The following PHC2 variants were observed in gnomAD, a reference collection of about 807,000 sequenced individuals.
The protein encoded by PHC2 is polyhomeotic homolog 2, also known as polyhomeotic-like protein 2.
Under a neutral mutation model 87.4 loss-of-function variants are expected in PHC2, and 29 were observed. That is an observed-to-expected ratio of 0.33 (90% confidence interval 0.25 to 0.45). The LOEUF (loss-of-function observed/expected upper bound fraction) is 0.45, where lower values mean the gene tolerates loss of function less well. PHC2 is among the 20% of genes least tolerant of loss of function. The pLI is 1.00. For synonymous variants in PHC2, 438 were observed against 461.7 expected (o/e 0.95, Z 0.66); for missense variants, 857 against 1,136.7 (o/e 0.75, Z 3.54).
In PHC2 at chr1:33,331,437, G is replaced by A; in HGVS notation, c.1917C>T (p.Leu639=). ...GGCCACAGAGCTCACACTTGAGTTT[G>A]AGGGGAGCACCCTCCTCTTTGGATT... ...LQESKEEGAP[L]KLKCELCGRV... The change falls in exon 12 of 15, where the codon CTC becomes CTT. Residue 639 remains leucine, a synonymous_variant. Coordinates refer to ENST00000683057, the MANE Select transcript of PHC2 (RefSeq NM_001385109.1). The surrounding 1 kb of genome is among the most constrained non-coding windows in gnomAD (Gnocchi z 5.2). The A allele has an allele frequency of 6.2e-7, 1 of 1,609,156 alleles. No individual in the cohort carries two copies. The highest frequency in any genetic ancestry group is 8.5e-7 in the Non-Finnish European group (1 of 1,175,894).
chr1:33,345,105 C>T (rs929266273), intron 9 of PHC2: 1 of 152,104 alleles, frequency 6.6e-6, no homozygotes, highest in Non-Finnish European at 1.5e-5. Flanking sequence ...AAAAATAACT[C>T]AAGCAGTCAC....
Position 33,332,516 on chromosome 1 carries a change from C to T in PHC2, c.1762-112G>A. 1 of 1,257,024 alleles carries T rather than the reference C, an allele frequency of 8.0e-7. No individual in the cohort carries two copies. The highest frequency in any genetic ancestry group is 1.1e-6 in the Non-Finnish European group (1 of 880,236). The allele number at this position is 1,257,024 out of a possible 1,614,324, so 77.9% of individuals were successfully genotyped here. On this transcript the variant is annotated intron_variant, in intron 10 of 14. Coordinates refer to ENST00000683057, the MANE Select transcript of PHC2 (RefSeq NM_001385109.1). The surrounding 1 kb of genome is among the most constrained non-coding windows in gnomAD (Gnocchi z 4.2). ...GTATCCAGGCACAGAGGCCAGCCCT[C>T]CTCAAACCTTCCCCCATGTCATCAT...
chr1:33,424,188 T>C (rs1650576400), intron 1 of PHC2, among the ~76,000 whole-genome samples: 1 of 152,212 alleles, frequency 6.6e-6, no homozygotes. Flanking sequence ...AGAGATTGAT[T>C]CATTAATACT....
At chr1:33,405,265 G>A (rs1217091643) in intron 1 of PHC2, among the ~76,000 whole-genome samples, 1 of 150,800 alleles carries the variant, frequency 6.6e-6, no homozygotes, top group Non-Finnish European at 1.5e-5. Flanking sequence ...ATCTTGGCTC[G>A]CTGCAACCTC....
At chr1:33,354,295 T>A in intron 9 of PHC2, 106 bp downstream of exon 9, 1 of 1,066,612 alleles carries the variant, frequency 9.4e-7, no homozygotes, top group Non-Finnish European at 1.4e-6. Flanking sequence ...CTTCCTTGCT[T>A]GTAATAGTTT....
rs2148200899 is a variant in PHC2, at chr1:33,332,361, T to A, written c.1805A>T (p.Tyr602Phe). The change falls in exon 11 of 15, where the codon TAT (tyrosine) becomes TTT (phenylalanine). Residue 602 changes from tyrosine (Y) to phenylalanine (F), a missense_variant. By Grantham distance (22) the Tyr-to-Phe change is conservative. This residue lies in a region of PHC2 where 832 missense variants were observed against 1,081.8 expected (regional missense o/e 0.77). Coordinates refer to ENST00000683057, the MANE Select transcript of PHC2 (RefSeq NM_001385109.1). This position sits in a 1 kb window ranked among gnomAD's most constrained non-coding sequence, Gnocchi z 4.2. ...TTTCTCAGGCAGGAACCCCTGTGCATACTTCTTCTTGAGATTCCCCACCAG... is the reference window on the plus strand; with the variant it reads ...TTTCTCAGGCAGGAACCCCTGTGCAAACTTCTTCTTGAGATTCCCCACCAG... ...SLLVGNLKKKYAQGFLPEKLP... is the reference protein window; with the variant it reads ...SLLVGNLKKKFAQGFLPEKLP... 6.2e-7 allele frequency: 1 copy of A among 1,614,152 alleles called. No homozygotes were observed. Among genetic ancestry groups the A allele is most frequent in the East Asian group, 2.2e-5 (1 of 44,874 alleles).
intron 1 of PHC2, among the ~76,000 whole-genome samples, chr1:33,411,450 T>C (rs577943271): frequency 6.6e-6 from 1 of 151,242 alleles, no homozygotes; most frequent in South Asian, 2.1e-4. Context: ...ATCTCTGTTT[T>C]TTGTTGTTGT....
At chr1:33,386,115 G>A (rs1451340284) in intron 1 of PHC2, among the ~76,000 whole-genome samples, 1 of 151,486 alleles carries the variant, frequency 6.6e-6, no homozygotes, top group African/African-American at 2.4e-5. Flanking sequence ...ATTTTTTTAT[G>A]TTATAATCTC....
intron 1 of PHC2, among the ~76,000 whole-genome samples, chr1:33,386,855 T>C (rs10798944): frequency 0.5 from 75,264 of 151,996 alleles, 19,596 homozygotes; most frequent in South Asian, 0.62. Context: ...ATACACAAAG[T>C]GCACACACAG....
chr1:33,389,237 C>G (rs1036711739), intron 1 of PHC2, among the ~76,000 whole-genome samples: 5 of 152,108 alleles, frequency 3.3e-5, no homozygotes, highest in African/African-American at 9.6e-5. Context: ...TAGATTCAAT[C>G]CCCCACGCAA....
intron 1 of PHC2, among the ~76,000 whole-genome samples, chr1:33,426,800 C>G (rs1014076145): frequency 9.9e-5 from 15 of 152,142 alleles, no homozygotes; most frequent in African/African-American, 3.6e-4. Flanking sequence ...TGCTTTCCTA[C>G]CTTCAGGAGG....
At chr1:33,416,956 T>A (rs1370348336) in intron 1 of PHC2, among the ~76,000 whole-genome samples, 1 of 152,022 alleles carries the variant, frequency 6.6e-6, no homozygotes, top group African/African-American at 2.4e-5. Context: ...ATAAAACATG[T>A]TAAATAAAAT....
At chr1:33,418,915 G>A (rs1456291376) in intron 1 of PHC2, among the ~76,000 whole-genome samples, 1 of 152,204 alleles carries the variant, frequency 6.6e-6, no homozygotes, top group Non-Finnish European at 1.5e-5. Context: ...GTCCTTTGTG[G>A]AATGCTTGCC....
intron 1 of PHC2, among the ~76,000 whole-genome samples, chr1:33,395,919 C>G (rs1649274383): frequency 6.6e-6 from 1 of 152,194 alleles, no homozygotes; most frequent in Non-Finnish European, 1.5e-5. Flanking sequence ...TGAAACAAGA[C>G]TTCCTAGTAT....
Position 33,331,253 on chromosome 1 carries a change from C to T in PHC2, c.2006+95G>A, listed in dbSNP as rs1256825549. 2 of 612,912 alleles carry T rather than the reference C, an allele frequency of 3.3e-6. No homozygotes were observed. Among genetic ancestry groups the T allele is most frequent in the South Asian group, 2.6e-5 (1 of 37,888 alleles). 38.0% of individuals were successfully genotyped at this position (612,912 alleles called of 1,614,324 possible). A position where few individuals can be genotyped will look rare whatever the true frequency, so the allele number is the denominator to read the frequency against. On this transcript the variant is annotated intron_variant, in intron 12 of 14. Transcript: ENST00000683057. This position sits in a 1 kb window ranked among gnomAD's most constrained non-coding sequence, Gnocchi z 5.2. ...TCGAGGAACTAGGAAACTGGAGAAG[C>T]CACCCCTATGGACCTCCTGGGGTAG...
rs780223017 is a variant in PHC2, at chr1:33,371,089, G to A, written c.339C>T (p.Ser113=). The A allele has an allele frequency of 6.8e-6, 11 of 1,613,830 alleles. No homozygotes were observed. The Admixed American group carries it at 1.8e-4, about 27-fold the overall frequency. The change falls in exon 4 of 15, where the codon AGC becomes AGT. Residue 113 remains serine, a synonymous_variant. Coordinates refer to ENST00000683057, the MANE Select transcript of PHC2 (RefSeq NM_001385109.1). The stretch of plus-strand genomic sequence containing the variant: ...TGCTTCCTTGTCTATTGGATACCAG[G>A]CTTGCCTAGGAAAGAACAAACTCCT... The part of the protein sequence containing the change: ...LQSLAAVQQA[S]LVSNRQGSTS...
At position 33,367,248 on chromosome 1, in the gene PHC2, C is replaced by T; in HGVS notation, c.844G>A (p.Gly282Ser). The T allele has an allele frequency of 6.2e-7, 1 of 1,614,186 alleles. No homozygotes were observed. Among genetic ancestry groups the T allele is most frequent in the Non-Finnish European group, 8.5e-7 (1 of 1,180,022 alleles). The change falls in exon 7 of 15, where the codon GGC becomes AGC. Residue 282 changes from glycine (G) to serine (S), a missense_variant. Physicochemically the swap from Gly to Ser is moderately conservative, Grantham distance 56. Transcript: ENST00000683057. ...GGCTCCATCACACTGTCAGCTATGC[C>T]AGGCTTGGCACCTGCAGGGGAAGCC... Reference protein sequence around the residue: ...AQASPAGAKPGIADSVMEPHK... With the variant: ...AQASPAGAKPSIADSVMEPHK...
intron 7 of PHC2, among the ~76,000 whole-genome samples, chr1:33,360,796 T>G (rs1349571782): frequency 1.3e-5 from 2 of 152,240 alleles, no homozygotes; most frequent in African/African-American, 4.8e-5. Context: ...AGTTTCCAAG[T>G]GACTTGTACA....
At chr1:33,356,939 G>A (rs914871843) in intron 7 of PHC2, among the ~76,000 whole-genome samples, 2 of 152,154 alleles carry the variant, frequency 1.3e-5, no homozygotes, top group South Asian at 2.1e-4. Flanking sequence ...CCTCCCTCCC[G>A]GACGGGGCGA....
Sources: gnomAD v4.1 joint callset for allele counts (sites outside exome capture counted in the v4.1 genomes callset) on GRCh38, gnomAD v4.1.1 for gene constraint, gnomAD v4.1.1 regional missense constraint, Gnocchi (gnomAD v3.1) non-coding constraint, MANE v1.5 for transcripts, NCBI Gene and HGNC (gene_info 2026-07-23, HGNC 2026-07-21) for gene names.